FSTL4: variants seen among roughly 807,000 people sequenced by gnomAD.
The protein encoded by FSTL4 is follistatin-related protein 4.
A neutral mutation model predicts 78.2 loss-of-function variants in FSTL4; 28 were observed. The observed-to-expected ratio is 0.36, with a 90% CI of 0.27 to 0.49. FSTL4 has a LOEUF of 0.49. Ranked by LOEUF, FSTL4 falls within the 20% of genes least tolerant of loss-of-function variation. The pLI is 0.98. For synonymous variants in FSTL4, 422 were observed against 440.5 expected, an observed-to-expected ratio of 0.96 and a Z score of 0.53; for missense variants, 922 against 1,084.9, an observed-to-expected ratio of 0.85 and a Z score of 2.11.
At chr5:133,619,146 G>A in the FSTL4 span, among the ~76,000 whole-genome samples, 1 of 152,096 alleles carries the variant, frequency 6.6e-6, no homozygotes, top group South Asian at 2.1e-4. Flanking sequence ...GTCAGCTGGG[G>A]AGACAAAGAG....
At chr5:133,324,413 C>T (rs886310922) in intron 4 of FSTL4, among the ~76,000 whole-genome samples, 2 of 152,240 alleles carry the variant, frequency 1.3e-5, no homozygotes, top group Non-Finnish European at 2.9e-5. Context: ...AAAGTGGGCT[C>T]TCTCTTGCTG....
intron 4 of FSTL4, among the ~76,000 whole-genome samples, chr5:133,326,338 C>T (rs1009925673): frequency 2.6e-5 from 4 of 152,210 alleles, no homozygotes; most frequent in Non-Finnish European, 4.4e-5. Context: ...GACTGTTACA[C>T]ACATATGATA....
At chr5:133,776,692 T>C in the FSTL4 span, among the ~76,000 whole-genome samples, 1 of 152,264 alleles carries the variant, frequency 6.6e-6, no homozygotes, top group East Asian at 1.9e-4. Flanking sequence ...TCACACCGAG[T>C]ACTTACCTCC....
chr5:133,633,158 C>T, the FSTL4 span, among the ~76,000 whole-genome samples: 1 of 152,108 alleles, frequency 6.6e-6, no homozygotes, highest in South Asian at 2.1e-4. Context: ...TGCTAACCTC[C>T]TTGAATGTGT....
At position 133,467,895 on chromosome 5, in the gene FSTL4, G is replaced by A. The variant is rs78322850; in HGVS notation, c.161-66909C>T. ...TTTTTCTACCTTGAAACACTCGGGTGGTTTAATTTGTTTTCTGAAATAACA... is the reference window on the plus strand; with the variant it reads ...TTTTTCTACCTTGAAACACTCGGGTAGTTTAATTTGTTTTCTGAAATAACA... On this transcript the variant is annotated intron_variant, in intron 3 of 15. Transcript: ENST00000265342. Among the ~76,000 whole-genome samples the A allele has an allele frequency of 1.2e-3, 185 of 152,280 alleles. 1 individual carries two copies. Among genetic ancestry groups the A allele is most frequent in the African/African-American group, 4.2e-3 (175 of 41,560 alleles).
chr5:133,226,417 C>T (rs1391170949), intron 8 of FSTL4, among the ~76,000 whole-genome samples: 2 of 152,130 alleles, frequency 1.3e-5, no homozygotes, highest in East Asian at 3.9e-4. Flanking sequence ...GGGGTGTGAG[C>T]CTGCCCACTC....
At chr5:133,832,588 C>A in the FSTL4 span, among the ~76,000 whole-genome samples, 2 of 152,220 alleles carry the variant, frequency 1.3e-5, no homozygotes, top group African/African-American at 4.8e-5. Context: ...TTCGCTCTGC[C>A]CATGGGCAAG....
intron 3 of FSTL4, among the ~76,000 whole-genome samples, chr5:133,471,340 A>T (rs1228729937): frequency 6.6e-6 from 1 of 152,180 alleles, no homozygotes; most frequent in Non-Finnish European, 1.5e-5. Context: ...TAAAGGGTTC[A>T]TGAAGGGATT....
At chr5:133,200,206 C>T (rs974755038) in intron 15 of FSTL4, among the ~76,000 whole-genome samples, 2 of 152,224 alleles carry the variant, frequency 1.3e-5, no homozygotes, top group Non-Finnish European at 2.9e-5. Flanking sequence ...CCGATTCTGC[C>T]TGTTACAAAG....
the FSTL4 span, among the ~76,000 whole-genome samples, chr5:133,651,064 G>A: frequency 2.6e-5 from 4 of 152,206 alleles, no homozygotes; most frequent in East Asian, 1.9e-4. Context: ...AAAAGCAATC[G>A]ACACTTGTGT....
intron 6 of FSTL4, among the ~76,000 whole-genome samples, chr5:133,279,205 C>T (rs1456214751): frequency 2.6e-5 from 4 of 152,224 alleles, no homozygotes; most frequent in African/African-American, 9.7e-5. Context: ...AGGAGCCGGG[C>T]TGCACAGCAG....
chr5:133,489,562 ACT>A (rs1758214643), intron 3 of FSTL4, among the ~76,000 whole-genome samples: 1 of 152,014 alleles, frequency 6.6e-6, no homozygotes, highest in African/African-American at 2.4e-5. Flanking sequence ...TGGGGCTAAG[ACT>A]CTCAAAATAT....
chr5:133,428,249 C>T (rs1756867901), intron 3 of FSTL4, among the ~76,000 whole-genome samples: 1 of 152,158 alleles, frequency 6.6e-6, no homozygotes, highest in Admixed American at 6.5e-5. Context: ...CCTGGGTATG[C>T]CAGACAGATG....
At chr5:133,840,063 G>A in the FSTL4 span, among the ~76,000 whole-genome samples, 1 of 152,166 alleles carries the variant, frequency 6.6e-6, no homozygotes, top group Admixed American at 6.5e-5. Flanking sequence ...AGGAGAAAGG[G>A]ACAAAACCTT....
At position 133,425,895 on chromosome 5, in the gene FSTL4, G is replaced by A. The variant is rs570099841; in HGVS notation, c.161-24909C>T. 2.6e-5 allele frequency among the ~76,000 whole-genome samples: 4 copies of A among 152,330 alleles called. No individual in the cohort carries two copies. The East Asian group carries it at 5.8e-4, about 22-fold the overall frequency. Reference sequence around the variant, plus strand: ...AATCCAGAAGCTGGCTGGGTCCAAAGGGAGAACAGGGACATAGGATAAAGA... The same window carrying A: ...AATCCAGAAGCTGGCTGGGTCCAAAAGGAGAACAGGGACATAGGATAAAGA... On this transcript the variant is annotated intron_variant, in intron 3 of 15. Transcript: ENST00000265342.
chr5:133,509,067 T>C lies in FSTL4; in HGVS notation c.160+58119A>G, dbSNP rs528104206. On this transcript the variant is annotated intron_variant, in intron 3 of 15. Coordinates refer to ENST00000265342, the MANE Select transcript of FSTL4 (RefSeq NM_015082.2). Reference sequence around the variant, plus strand: ...CCAGGAACCTGACATAGTTGCTGGTTTCTGAGTAACCACAGCAGTACAACA... The same window carrying C: ...CCAGGAACCTGACATAGTTGCTGGTCTCTGAGTAACCACAGCAGTACAACA... Among the ~76,000 whole-genome samples the C allele has an allele frequency of 2.0e-5, 3 of 152,340 alleles. No homozygotes were observed. The East Asian group carries it at 5.8e-4, about 29-fold the overall frequency.
intron 3 of FSTL4, among the ~76,000 whole-genome samples, chr5:133,484,471 G>T (rs1415868328): frequency 6.6e-6 from 1 of 152,184 alleles, no homozygotes; most frequent in Non-Finnish European, 1.5e-5. Context: ...GCCCACATGA[G>T]AGAAAAGCTT....
the FSTL4 span, among the ~76,000 whole-genome samples, chr5:133,718,244 C>T: frequency 1.3e-5 from 2 of 152,064 alleles, no homozygotes; most frequent in African/African-American, 4.8e-5. Flanking sequence ...CATGCCCAGC[C>T]AATTTTTGAC....
intron 3 of FSTL4, among the ~76,000 whole-genome samples, chr5:133,475,512 G>A (rs1304247060): frequency 1.3e-5 from 2 of 152,138 alleles, no homozygotes; most frequent in Admixed American, 1.3e-4. Flanking sequence ...TATATGACCA[G>A]AATACATGAA....
Sources: gnomAD v4.1 joint callset for allele counts (sites outside exome capture counted in the v4.1 genomes callset) on GRCh38, gnomAD v4.1.1 for gene constraint, MANE v1.5 for transcripts, NCBI Gene and HGNC (gene_info 2026-07-23, HGNC 2026-07-21) for gene names.